CTDSPL: variants seen among roughly 807,000 people sequenced by gnomAD.
CTDSPL encodes CTD small phosphatase like, also known as CTD small phosphatase-like protein.
In CTDSPL, 8 loss-of-function variants were observed where a neutral mutation model predicts 30.5. The observed-to-expected ratio is 0.26, with a 90% CI of 0.15 to 0.47. The LOEUF is 0.47. Among genes scored for constraint, CTDSPL ranks in the 20% least tolerant of loss-of-function variants. The pLI, the probability that CTDSPL is intolerant of heterozygous loss-of-function variation, is 0.99. For synonymous variants in CTDSPL, 110 were observed against 137.9 expected (o/e 0.80, Z 1.42); for missense variants, 248 against 366.1 (o/e 0.68, Z 2.63).
At chr3:37,969,178 C>T (rs1357227032) in intron 5 of CTDSPL, among the ~76,000 whole-genome samples, 2 of 152,214 alleles carry the variant, frequency 1.3e-5, no homozygotes, top group South Asian at 4.1e-4. Context: ...GAGAGGCTGC[C>T]CAATGGCATA....
rs548651775 is a variant in CTDSPL, at chr3:37,949,014, G to T, written c.234+1803G>T. ...TTTTTGTATTTTTAGTAGAGACGGG[G>T]TTTCACCTTGTTAGCCAGGATGGTC... On this transcript the variant is annotated intron_variant, in intron 2 of 7. Transcript: ENST00000273179. Among the ~76,000 whole-genome samples the T allele has an allele frequency of 2.8e-4, 43 of 151,146 alleles. 1 individual carries two copies. In the East Asian group the frequency reaches 8.2e-3, roughly 29 times the overall value.
chr3:37,877,063 G>A (rs1245316991), intron 1 of CTDSPL, among the ~76,000 whole-genome samples: 3 of 146,890 alleles, frequency 2.0e-5, no homozygotes, highest in African/African-American at 5.1e-5. Flanking sequence ...CCGAGATTGC[G>A]CCTCTGCACT....
At chr3:37,890,756 G>A (rs1698315226) in intron 1 of CTDSPL, among the ~76,000 whole-genome samples, 1 of 152,138 alleles carries the variant, frequency 6.6e-6, no homozygotes, top group Admixed American at 6.6e-5. Context: ...TCTGTTGGCA[G>A]GTAACTGGGC....
In CTDSPL at chr3:37,862,332, G is replaced by A; in HGVS notation, c.79+54G>A. On this transcript the variant is annotated intron_variant, in intron 1 of 7. Coordinates refer to ENST00000273179, the MANE Select transcript of CTDSPL (RefSeq NM_001008392.2). This position sits in a 1 kb window ranked among gnomAD's most constrained non-coding sequence, Gnocchi z 4.3. ...TGGGGGCGAGCGCACACCCCGCGCC[G>A]CTGGAGTTCACTGCCGGGCGCCGGC... The A allele has an allele frequency of 7.2e-7, 1 of 1,391,948 alleles. No homozygotes were observed. The allele number at this position is 1,391,948 out of a possible 1,614,324, so 86.2% of individuals were successfully genotyped here. A position where few individuals can be genotyped will look rare whatever the true frequency, so the allele number is the denominator to read the frequency against.
chr3:37,960,480 C>CAAAAAAAA (rs1208033395), intron 3 of CTDSPL, among the ~76,000 whole-genome samples: 2 of 4,916 alleles, frequency 4.1e-4, no homozygotes, highest in Non-Finnish European at 6.2e-4. Context: ...AACTCTGTCT[C>CAAAAAAAA]AAAAAAAAAA....
chr3:37,909,741 G>A (rs1451044064), intron 1 of CTDSPL, among the ~76,000 whole-genome samples: 3 of 152,238 alleles, frequency 2.0e-5, no homozygotes, highest in Admixed American at 1.3e-4. Context: ...TCACGAGGCT[G>A]TGTGACCTTG....
chr3:37,864,464 C>T (rs899316219), intron 1 of CTDSPL, among the ~76,000 whole-genome samples: 17 of 152,100 alleles, frequency 1.1e-4, no homozygotes, highest in Admixed American at 1.0e-3. Context: ...TGTTTGTTAA[C>T]CGATTAGAGG....
At chr3:37,976,149 A>T (rs1453771473) in intron 7 of CTDSPL, among the ~76,000 whole-genome samples, 1 of 152,192 alleles carries the variant, frequency 6.6e-6, no homozygotes, top group Non-Finnish European at 1.5e-5. Context: ...GTGTGGCAAT[A>T]TATAAAAAGC....
At chr3:37,896,690 C>A (rs1698394120) in intron 1 of CTDSPL, among the ~76,000 whole-genome samples, 1 of 152,038 alleles carries the variant, frequency 6.6e-6, no homozygotes, top group African/African-American at 2.4e-5. Context: ...AGTCACATAC[C>A]ACCACACCTA....
intron 3 of CTDSPL, among the ~76,000 whole-genome samples, chr3:37,963,984 C>T (rs1034785396): frequency 1.7e-4 from 21 of 123,434 alleles, no homozygotes; most frequent in African/African-American, 6.5e-4. Context: ...CTGCATTATG[C>T]TGGTGGGCCT....
intron 1 of CTDSPL, among the ~76,000 whole-genome samples, chr3:37,928,719 C>T (rs942835951): frequency 6.6e-6 from 1 of 152,036 alleles, no homozygotes; most frequent in Non-Finnish European, 1.5e-5. Flanking sequence ...TATACTTTCT[C>T]CCATGCTTTA....
At chr3:37,874,552 A>T (rs1698111915) in intron 1 of CTDSPL, among the ~76,000 whole-genome samples, 2 of 152,164 alleles carry the variant, frequency 1.3e-5, no homozygotes, top group Admixed American at 6.5e-5. Flanking sequence ...CAACATGGTG[A>T]AACCCCGTCT....
chr3:37,912,494 C>T (rs1014778813), intron 1 of CTDSPL, among the ~76,000 whole-genome samples: 2 of 152,202 alleles, frequency 1.3e-5, no homozygotes, highest in African/African-American at 4.8e-5. Context: ...GAGGCTGAGG[C>T]ACCCCTGTGT....
intron 1 of CTDSPL, among the ~76,000 whole-genome samples, chr3:37,910,894 G>C (rs550065993): frequency 1.3e-5 from 2 of 152,286 alleles, no homozygotes; most frequent in African/African-American, 4.8e-5. Context: ...GGGGAGGTAA[G>C]ACCCTGGGTT....
intron 1 of CTDSPL, among the ~76,000 whole-genome samples, chr3:37,873,402 T>C (rs900271175): frequency 1.1e-4 from 17 of 152,314 alleles, no homozygotes; most frequent in African/African-American, 4.1e-4. Flanking sequence ...TTTTCTCCCA[T>C]AGCCAGCTTC....
chr3:37,921,411 G>T (rs1698712912), intron 1 of CTDSPL, among the ~76,000 whole-genome samples: 1 of 152,200 alleles, frequency 6.6e-6, no homozygotes, highest in South Asian at 2.1e-4. Context: ...TGCCAGACTT[G>T]TTCGACCCAT....
chr3:37,939,218 G>T lies in CTDSPL; in HGVS notation c.80-7839G>T, dbSNP rs1320794955. 2.7e-5 allele frequency among the ~76,000 whole-genome samples: 4 copies of T among 150,246 alleles called. 1 individual carries two copies. Among genetic ancestry groups the T allele is most frequent in the Non-Finnish European group, 6.0e-5 (4 of 67,044 alleles). ...ACAATTTTTTGTTATGTTTGAAGCTGCTGGTAGATTTTCTCTCTTACACAA... is the reference window on the plus strand; with the variant it reads ...ACAATTTTTTGTTATGTTTGAAGCTTCTGGTAGATTTTCTCTCTTACACAA... On this transcript the variant is annotated intron_variant, in intron 1 of 7. Transcript: ENST00000273179.
rs530974797 is a variant in CTDSPL, at chr3:37,975,573, A to C, written c.520-136A>C. 1.4e-6 allele frequency: 1 copy of C among 729,226 alleles called. No homozygotes were observed. Among genetic ancestry groups the C allele is most frequent in the African/African-American group, 1.8e-5 (1 of 56,774 alleles). The allele number at this position is 729,226 out of a possible 1,614,324, so 45.2% of individuals were successfully genotyped here. ...TGCCATCTTATGTACACGGAGAGGA[A>C]AATAACCAGGATCCTAAGACACATC... On this transcript the variant is annotated intron_variant, in intron 6 of 7. Transcript: ENST00000273179. This position sits in a 1 kb window ranked among gnomAD's most constrained non-coding sequence, Gnocchi z 4.9.
At chr3:37,902,357 C>T (rs956175441) in intron 1 of CTDSPL, among the ~76,000 whole-genome samples, 1 of 152,094 alleles carries the variant, frequency 6.6e-6, no homozygotes, top group African/African-American at 2.4e-5. Flanking sequence ...CTAGTTTGCC[C>T]CAGGGGATGG....
Sources: gnomAD v4.1 joint callset for allele counts (sites outside exome capture counted in the v4.1 genomes callset) on GRCh38, gnomAD v4.1.1 for gene constraint, Gnocchi (gnomAD v3.1) non-coding constraint, MANE v1.5 for transcripts, NCBI Gene and HGNC (gene_info 2026-07-23, HGNC 2026-07-21) for gene names.